NFIA: variants seen among roughly 807,000 people sequenced by gnomAD.
NFIA encodes the protein nuclear factor 1 A-type.
In NFIA, 8 loss-of-function variants were observed where a neutral mutation model predicts 62.8. The observed-to-expected ratio is 0.13, with a 90% CI of 0.07 to 0.23. The LOEUF is 0.23. NFIA is among the 10% of genes least tolerant of loss of function. NFIA has a pLI of 1.00. For missense variants in NFIA, 410 were observed against 642.1 expected, an observed-to-expected ratio of 0.64 and a Z score of 3.91; for synonymous variants, 235 against 238.1, an observed-to-expected ratio of 0.99 and a Z score of 0.12.
At chr1:61,237,618 T>C (rs1007675434) in intron 2 of NFIA, among the ~76,000 whole-genome samples, 1 of 152,224 alleles carries the variant, frequency 6.6e-6, no homozygotes, top group Non-Finnish European at 1.5e-5. Flanking sequence ...CTTTTGTTTC[T>C]TCATTAGTTA....
At position 61,140,529 on chromosome 1, in the gene NFIA, GT is replaced by G. The variant is rs1328487497; in HGVS notation, c.559+51853del. ...TATCATGTTTTCTATGTGTAGAAAA[GT>G]TTTCTCTTCGCAATGGCTTTACATA... On this transcript the variant is annotated intron_variant, in intron 2 of 10. Transcript: ENST00000403491. 2.0e-5 allele frequency among the ~76,000 whole-genome samples: 3 copies of G among 151,950 alleles called. No homozygotes were observed. In the East Asian group the frequency reaches 5.8e-4, roughly 29 times the overall value.
intron 3 of NFIA, among the ~76,000 whole-genome samples, chr1:61,278,701 G>A (rs1290892045): frequency 6.6e-6 from 1 of 152,196 alleles, no homozygotes; most frequent in Non-Finnish European, 1.5e-5. Flanking sequence ...TTAGGCAGGA[G>A]AATTGCTTGA....
Position 61,112,710 on chromosome 1 carries a change from T to C in NFIA, c.559+24030T>C, listed in dbSNP as rs984023780. 3.3e-5 allele frequency among the ~76,000 whole-genome samples: 5 copies of C among 152,334 alleles called. No individual in the cohort carries two copies. In the South Asian group the frequency reaches 8.3e-4, roughly 25 times the overall value. On this transcript the variant is annotated intron_variant, in intron 2 of 10. Transcript: ENST00000403491. ...AGGGTGATTTAATAAACTATCTTCT[T>C]TAAAACTCATTTAAAATTAGAGACA... is the stretch of plus-strand genomic sequence containing the variant.
intron 2 of NFIA, among the ~76,000 whole-genome samples, chr1:61,110,939 G>C (rs1309610707): frequency 6.6e-6 from 1 of 152,090 alleles, no homozygotes; most frequent in Non-Finnish European, 1.5e-5. Flanking sequence ...TTGAACTGTA[G>C]TCTGTTGAAA....
intron 2 of NFIA, among the ~76,000 whole-genome samples, chr1:61,163,908 C>G (rs1649391524): frequency 6.6e-6 from 1 of 152,176 alleles, no homozygotes; most frequent in South Asian, 2.1e-4. Flanking sequence ...CCCCTTGGCT[C>G]TAGCCAATTG....
chr1:61,384,957 C>T (rs1664601035), intron 7 of NFIA, among the ~76,000 whole-genome samples: 1 of 152,254 alleles, frequency 6.6e-6, no homozygotes, highest in East Asian at 1.9e-4. Flanking sequence ...ATGGGCCGGG[C>T]ACAGTGGCTC....
intron 2 of NFIA, among the ~76,000 whole-genome samples, chr1:61,189,498 C>T (rs1050866791): frequency 6.6e-6 from 1 of 152,054 alleles, no homozygotes; most frequent in Non-Finnish European, 1.5e-5. Flanking sequence ...AACCCCCTCT[C>T]TACTAAAATA....
At chr1:61,346,299 A>G (rs1464807915) in intron 4 of NFIA, among the ~76,000 whole-genome samples, 1 of 152,182 alleles carries the variant, frequency 6.6e-6, no homozygotes, top group Non-Finnish European at 1.5e-5. Context: ...CATCGTTTTT[A>G]TAGCACACCA....
chr1:61,217,244 AT>A (rs1653690960), intron 2 of NFIA, among the ~76,000 whole-genome samples: 1 of 143,952 alleles, frequency 6.9e-6, no homozygotes, highest in Non-Finnish European at 1.5e-5. Flanking sequence ...TTTGTTTTGT[AT>A]TTTTAGTAGA....
intron 2 of NFIA, among the ~76,000 whole-genome samples, chr1:61,150,675 C>G (rs548682678): frequency 6.6e-6 from 1 of 152,126 alleles, no homozygotes; most frequent in Non-Finnish European, 1.5e-5. Flanking sequence ...CTGGGAACAG[C>G]AACAAAATTC....
At chr1:61,124,671 G>A (rs1646939471) in intron 2 of NFIA, 1 of 152,178 alleles carries the variant, frequency 6.6e-6, no homozygotes, top group Non-Finnish European at 1.5e-5. Flanking sequence ...AAATAATAAT[G>A]AAAGAAGAAA....
intron 2 of NFIA, among the ~76,000 whole-genome samples, chr1:61,159,156 G>C (rs1012711149): frequency 1.3e-5 from 2 of 151,964 alleles, no homozygotes; most frequent in African/African-American, 4.8e-5. Flanking sequence ...AGTAATAAAG[G>C]TAATTTAACC....
intron 2 of NFIA, among the ~76,000 whole-genome samples, chr1:61,130,152 A>G (rs1647049263): frequency 2.0e-5 from 3 of 152,306 alleles, no homozygotes; most frequent in Admixed American, 6.5e-5. Context: ...TTACTCAGCA[A>G]TCACTTCTAC....
rs765790736 is a variant in NFIA, at chr1:61,406,551, C to CA, written c.1255-11_1255-10insA. The CA allele has an allele frequency of 3.0e-5, 36 of 1,184,978 alleles. 1 individual carries two copies. Among genetic ancestry groups the CA allele is most frequent in the South Asian group, 2.0e-4 (13 of 65,456 alleles). 73.4% of individuals were successfully genotyped at this position (1,184,978 alleles called of 1,614,324 possible). A position where few individuals can be genotyped will look rare whatever the true frequency, so the allele number is the denominator to read the frequency against. On this transcript the variant is annotated splice_polypyrimidine_tract_variant and intron_variant, in intron 8 of 10. Transcript: ENST00000403491. ...TTGTACGTGTGTTTTCTGCCCCCCC[C>CA]CCCCCCACAGCCCAATGGGAGCAGC... is the stretch of plus-strand genomic sequence containing the variant.
chr1:61,094,042 T>A (rs1446003192), intron 2 of NFIA, among the ~76,000 whole-genome samples: 1 of 152,166 alleles, frequency 6.6e-6, no homozygotes, highest in East Asian at 1.9e-4. Flanking sequence ...TGCTCACAAA[T>A]GTCAATATAG....
chr1:61,343,417 A>G (rs1015481755), intron 4 of NFIA, among the ~76,000 whole-genome samples: 1 of 152,212 alleles, frequency 6.6e-6, no homozygotes, highest in Non-Finnish European at 1.5e-5. Flanking sequence ...GCCACCATGT[A>G]TATATTCCTT....
At chr1:61,180,404 G>C (rs977212272) in intron 2 of NFIA, among the ~76,000 whole-genome samples, 2 of 152,062 alleles carry the variant, frequency 1.3e-5, no homozygotes, top group Non-Finnish European at 2.9e-5. Flanking sequence ...TTCCTCTTTG[G>C]GTTTTGAAGT....
intron 2 of NFIA, among the ~76,000 whole-genome samples, chr1:61,098,421 A>C (rs956900733): frequency 3.3e-5 from 5 of 152,218 alleles, no homozygotes; most frequent in Admixed American, 2.6e-4. Context: ...ACACCATATA[A>C]AAATTACTAA....
At chr1:61,144,021 A>G (rs1460195360) in intron 2 of NFIA, among the ~76,000 whole-genome samples, 1 of 152,246 alleles carries the variant, frequency 6.6e-6, no homozygotes, top group Non-Finnish European at 1.5e-5. Flanking sequence ...TCAAATACAA[A>G]GCAGATTGAT....
Sources: gnomAD v4.1 joint callset for allele counts (sites outside exome capture counted in the v4.1 genomes callset) on GRCh38, gnomAD v4.1.1 for gene constraint, MANE v1.5 for transcripts, NCBI Gene and HGNC (gene_info 2026-07-23, HGNC 2026-07-21) for gene names.